Variants in CALN1 observed in about 807,000 individuals in gnomAD.
CALN1 encodes calcium-binding protein 8.
In CALN1, 17 loss-of-function variants were observed where a neutral mutation model predicts 30.6. The ratio of observed to expected loss-of-function variants is 0.56; its 90% CI spans 0.38 to 0.83. The LOEUF is 0.83. Ranked by LOEUF, CALN1 falls within the 40% of genes least tolerant of loss-of-function variation. CALN1 has a pLI of 0.00. For missense variants in CALN1, 291 were observed against 354.9 expected, an observed-to-expected ratio of 0.82 and a Z score of 1.45; for synonymous variants, 156 against 131.4, an observed-to-expected ratio of 1.19 and a Z score of -1.28.
At position 72,133,107 on chromosome 7, in the gene CALN1, A is replaced by G. The variant is rs144150777; in HGVS notation, c.245-26813T>C. On this transcript the variant is annotated intron_variant, in intron 3 of 6. Transcript: ENST00000395275. ...TCCATGGAAAAGATGGTCTTCCATG[A>G]CACCAGACCCCGGTGCCAAAAAGGG... Among the ~76,000 whole-genome samples the G allele has an allele frequency of 6.4e-3, 975 of 152,318 alleles. 13 individuals are homozygous for G. The highest frequency in any genetic ancestry group is 0.02 in the African/African-American group (832 of 41,570).
intron 2 of CALN1, among the ~76,000 whole-genome samples, chr7:72,330,839 C>T (rs986763216): frequency 2.0e-5 from 3 of 152,198 alleles, no homozygotes; most frequent in African/African-American, 7.2e-5. Context: ...GCCCACAGCC[C>T]TGCCAGTGGG....
chr7:72,270,109 A>ATG (rs1486524962), intron 3 of CALN1, among the ~76,000 whole-genome samples: 5 of 151,098 alleles, frequency 3.3e-5, no homozygotes, highest in Non-Finnish European at 7.4e-5. Context: ...GTGTGTGTGT[A>ATG]TGTATGTGTG....
At chr7:72,430,835 G>A (rs984294555) in intron 1 of CALN1, among the ~76,000 whole-genome samples, 3 of 152,062 alleles carry the variant, frequency 2.0e-5, no homozygotes, top group Admixed American at 2.0e-4. Flanking sequence ...TAAAGCATAT[G>A]GGGTTGCACT....
intron 3 of CALN1, among the ~76,000 whole-genome samples, chr7:72,200,769 A>G (rs1352131571): frequency 6.6e-6 from 1 of 152,232 alleles, no homozygotes; most frequent in Non-Finnish European, 1.5e-5. Flanking sequence ...AAAGCAAGGA[A>G]GAACCAGACA....
chr7:72,406,676 G>C (rs1243067149), intron 1 of CALN1, among the ~76,000 whole-genome samples: 2 of 149,202 alleles, frequency 1.3e-5, no homozygotes, highest in African/African-American at 5.0e-5. Flanking sequence ...GAGTGCAGTA[G>C]CGTGATCCCT....
intron 2 of CALN1, among the ~76,000 whole-genome samples, chr7:72,286,021 CACCA>C (rs1798057729): frequency 6.6e-6 from 1 of 152,196 alleles, no homozygotes; most frequent in Non-Finnish European, 1.5e-5. Context: ...TTCTCAACAC[CACCA>C]ATGCCAGAGT....
chr7:72,307,956 C>G (rs1335689055), intron 2 of CALN1, among the ~76,000 whole-genome samples: 1 of 151,942 alleles, frequency 6.6e-6, no homozygotes, highest in Non-Finnish European at 1.5e-5. Flanking sequence ...AAGGACATTT[C>G]GTGAGTCCTC....
At chr7:72,209,827 G>C (rs370293769) in intron 3 of CALN1, among the ~76,000 whole-genome samples, 18 of 152,208 alleles carry the variant, frequency 1.2e-4, no homozygotes, top group African/African-American at 4.1e-4. Flanking sequence ...TCTCAAGCAA[G>C]CATGTTTTCA....
chr7:72,486,757 A>G, the CALN1 span, among the ~76,000 whole-genome samples: 2 of 152,066 alleles, frequency 1.3e-5, no homozygotes, highest in South Asian at 2.1e-4. Flanking sequence ...AAGCTTTAAG[A>G]TTTTTTATTA....
chr7:72,308,737 CCT>C (rs557369829), intron 2 of CALN1, among the ~76,000 whole-genome samples: 111 of 152,216 alleles, frequency 7.3e-4, no homozygotes, highest in African/African-American at 2.6e-3. Context: ...CTGGGACCCT[CCT>C]CTTAGTTCCT....
At chr7:72,106,985 G>A (rs1807212309) in intron 3 of CALN1, among the ~76,000 whole-genome samples, 2 of 148,084 alleles carry the variant, frequency 1.4e-5, no homozygotes, top group South Asian at 4.3e-4. Flanking sequence ...GAGAAAGAAA[G>A]AAAGGAAAGA....
At chr7:72,379,326 A>G (rs565956942) in intron 2 of CALN1, among the ~76,000 whole-genome samples, 2 of 152,336 alleles carry the variant, frequency 1.3e-5, no homozygotes, top group South Asian at 4.1e-4. Flanking sequence ...ATAATACAGT[A>G]ATTTTTAAAG....
At chr7:72,129,417 C>T (rs1200609349) in intron 3 of CALN1, among the ~76,000 whole-genome samples, 1 of 152,048 alleles carries the variant, frequency 6.6e-6, no homozygotes, top group Non-Finnish European at 1.5e-5. Flanking sequence ...ATGAACCAGG[C>T]TAGTGGCTGT....
intron 3 of CALN1, among the ~76,000 whole-genome samples, chr7:72,117,697 C>A (rs958160301): frequency 6.6e-6 from 1 of 152,120 alleles, no homozygotes; most frequent in African/African-American, 2.4e-5. Flanking sequence ...GTGGCTCCCA[C>A]CTGTAATCTC....
intron 4 of CALN1, among the ~76,000 whole-genome samples, chr7:72,095,693 T>C (rs575729297): frequency 6.6e-6 from 1 of 152,182 alleles, no homozygotes; most frequent in South Asian, 2.1e-4. Context: ...GACTAGGGTA[T>C]CTCCAACTTC....
At chr7:72,135,085 T>C (rs1431266498) in intron 3 of CALN1, among the ~76,000 whole-genome samples, 2 of 152,236 alleles carry the variant, frequency 1.3e-5, no homozygotes, top group Non-Finnish European at 2.9e-5. Flanking sequence ...GTTCCATCTT[T>C]AGGATCCGCT....
chr7:72,403,113 T>A, intron 2 of CALN1, 138 bp downstream of exon 2: 1 of 614,348 alleles, frequency 1.6e-6, no homozygotes, highest in Non-Finnish European at 2.8e-6. Flanking sequence ...AGGACAGCTC[T>A]CCCAGGTGTC....
At chr7:71,842,980 G>T (rs1432449752) in intron 5 of CALN1, among the ~76,000 whole-genome samples, 1 of 152,240 alleles carries the variant, frequency 6.6e-6, no homozygotes, top group African/African-American at 2.4e-5. Context: ...GAAAATCCTA[G>T]ACCTCCAGCA....
chr7:72,245,026 C>T (rs1042385566), intron 3 of CALN1, among the ~76,000 whole-genome samples: 1 of 152,092 alleles, frequency 6.6e-6, no homozygotes, highest in Non-Finnish European at 1.5e-5. Context: ...AGAACAGGAC[C>T]ATTATTCAGC....
Sources: allele counts gnomAD v4.1 joint callset (sites outside exome capture counted in the v4.1 genomes callset), GRCh38; gene constraint gnomAD v4.1.1; transcripts MANE v1.5; gene names NCBI Gene and HGNC (gene_info 2026-07-23, HGNC 2026-07-21).